The following PTPN14 variants were observed in gnomAD, a reference collection of about 807,000 sequenced individuals.
PTPN14 encodes tyrosine-protein phosphatase non-receptor type 14.
Under a neutral mutation model 126.8 loss-of-function variants are expected in PTPN14, and 53 were observed. That is an observed-to-expected ratio of 0.42 (90% CI 0.34 to 0.53). The LOEUF is 0.53. Ranked by LOEUF, PTPN14 falls within the 20% of genes least tolerant of loss-of-function variation. PTPN14 has a pLI of 0.08. For missense variants in PTPN14, 1,257 were observed against 1,552.9 expected (o/e 0.81, Z 3.20); for synonymous variants, 630 against 599.3 (o/e 1.05, Z -0.75).
At chr1:214,391,999 A>G (rs1246450811) in intron 10 of PTPN14, among the ~76,000 whole-genome samples, 1 of 152,190 alleles carries the variant, frequency 6.6e-6, no homozygotes, top group Non-Finnish European at 1.5e-5. Context: ...GCAGCTCTGC[A>G]GGAGCAGAAA....
intron 11 of PTPN14, among the ~76,000 whole-genome samples, chr1:214,388,828 T>A (rs1460195629): frequency 1.3e-5 from 2 of 152,158 alleles, no homozygotes; most frequent in Non-Finnish European, 2.9e-5. Flanking sequence ...CATCCCTCAA[T>A]GGAAGAAACG....
At chr1:214,452,705 GAAC>G (rs1660298455) in intron 2 of PTPN14, among the ~76,000 whole-genome samples, 1 of 152,090 alleles carries the variant, frequency 6.6e-6, no homozygotes, top group Admixed American at 6.5e-5. Flanking sequence ...GTTTAGTTTT[GAAC>G]AACATGCTAA....
chr1:214,513,796 T>C (rs976455737), intron 1 of PTPN14, among the ~76,000 whole-genome samples: 1 of 152,202 alleles, frequency 6.6e-6, no homozygotes, highest in Non-Finnish European at 1.5e-5. Flanking sequence ...TTTCATAGCG[T>C]TGTCATAAAG....
At chr1:214,387,215 A>G (rs1658640130) in intron 11 of PTPN14, among the ~76,000 whole-genome samples, 1 of 152,248 alleles carries the variant, frequency 6.6e-6, no homozygotes, top group Non-Finnish European at 1.5e-5. Context: ...ATGTTCTAAT[A>G]TATTTGCAAA....
intron 1 of PTPN14, among the ~76,000 whole-genome samples, chr1:214,466,767 C>G (rs1201257423): frequency 2.0e-5 from 3 of 152,056 alleles, no homozygotes; most frequent in Admixed American, 6.6e-5. Flanking sequence ...ATCCATCTGC[C>G]GACACAGGAT....
Position 214,467,957 on chromosome 1 carries a change from G to A in PTPN14, c.-154-3000C>T, listed in dbSNP as rs150523934. On this transcript the variant is annotated intron_variant, in intron 1 of 18. Transcript: ENST00000366956. ...CAAAAATTGGGCATGAGGAGGGGGA[G>A]GCCGTACAGGCTGCTGTAGAATAAA... 2.6e-3 allele frequency among the ~76,000 whole-genome samples: 393 copies of A among 152,186 alleles called. 1 individual carries two copies. Among genetic ancestry groups the A allele is most frequent in the Non-Finnish European group, 4.3e-3 (295 of 68,018 alleles).
chr1:214,500,627 G>T (rs1177945598), intron 1 of PTPN14, among the ~76,000 whole-genome samples: 1 of 152,080 alleles, frequency 6.6e-6, no homozygotes, highest in Non-Finnish European at 1.5e-5. Flanking sequence ...CTGAGGGACA[G>T]ACAGAAACAA....
intron 1 of PTPN14, among the ~76,000 whole-genome samples, chr1:214,499,666 T>C (rs1012544708): frequency 3.9e-5 from 6 of 152,220 alleles, no homozygotes; most frequent in African/African-American, 1.2e-4. Context: ...TATCCATTTA[T>C]GTGAATTCAG....
At chr1:214,423,672 T>C (rs1192048468) in intron 3 of PTPN14, among the ~76,000 whole-genome samples, 1 of 152,210 alleles carries the variant, frequency 6.6e-6, no homozygotes, top group Admixed American at 6.5e-5. Flanking sequence ...TTTTCTCATA[T>C]TCACAGCTTA....
intron 16 of PTPN14, among the ~76,000 whole-genome samples, chr1:214,370,142 C>T (rs1458999397): frequency 2.6e-5 from 4 of 151,978 alleles, no homozygotes; most frequent in Admixed American, 6.6e-5. Flanking sequence ...TAGCCAGGCG[C>T]GGTGGCGGGT....
chr1:214,358,382 T>C (rs1657876178), intron 18 of PTPN14, among the ~76,000 whole-genome samples: 1 of 152,184 alleles, frequency 6.6e-6, no homozygotes, highest in South Asian at 2.1e-4. Context: ...TCCTCCTACC[T>C]GAGTCTCCCA....
intron 11 of PTPN14, among the ~76,000 whole-genome samples, chr1:214,387,141 T>G (rs933712413): frequency 6.6e-6 from 1 of 152,214 alleles, no homozygotes; most frequent in East Asian, 1.9e-4. Context: ...AGAAATGAAG[T>G]TGGTTCAAGA....
intron 4 of PTPN14, among the ~76,000 whole-genome samples, chr1:214,412,349 C>T (rs2102581803): frequency 6.6e-6 from 1 of 152,232 alleles, no homozygotes; most frequent in South Asian, 2.1e-4. Context: ...CTCCTAAAAA[C>T]TAAACTTGAA....
At chr1:214,549,389 C>T (rs1341413242) in intron 1 of PTPN14, among the ~76,000 whole-genome samples, 1 of 152,146 alleles carries the variant, frequency 6.6e-6, no homozygotes, top group African/African-American at 2.4e-5. Flanking sequence ...ACGACTTTAG[C>T]ACAACTGTGC....
intron 1 of PTPN14, among the ~76,000 whole-genome samples, chr1:214,491,825 G>A (rs1466167852): frequency 1.3e-5 from 2 of 152,104 alleles, no homozygotes; most frequent in African/African-American, 4.8e-5. Context: ...GTTCATCTGG[G>A]TCACCTGCCA....
intron 2 of PTPN14, among the ~76,000 whole-genome samples, chr1:214,462,322 C>T (rs1004131414): frequency 4.6e-5 from 7 of 152,144 alleles, no homozygotes; most frequent in African/African-American, 1.4e-4. Flanking sequence ...ACTGAGAAAA[C>T]CAATAGTCTG....
At chr1:214,378,230 T>C (rs1658390430) in intron 13 of PTPN14, 128 bp from the exon 14 acceptor site, 2 of 1,234,970 alleles carry the variant, frequency 1.6e-6, no homozygotes, top group East Asian at 2.5e-5. Context: ...GTAGGGCAAA[T>C]TCAAACACAG....
At chr1:214,494,553 T>C (rs1364204681) in intron 1 of PTPN14, among the ~76,000 whole-genome samples, 1 of 152,240 alleles carries the variant, frequency 6.6e-6, no homozygotes, top group Non-Finnish European at 1.5e-5. Flanking sequence ...TTAGCCAACT[T>C]TAACTTTATG....
rs1238201918 is a variant in PTPN14 at position 214,350,165 on chromosome 1, T to A, written c.*7757A>T. On this transcript the variant is annotated 3_prime_UTR_variant, in exon 19 of 19. Coordinates refer to ENST00000366956, the MANE Select transcript of PTPN14 (RefSeq NM_005401.5). ...TTGGATGACCCGCTAATCTTTCCCC[T>A]TCCTAGGTAAGTGAAAACAGATAAA... The A allele has an allele frequency of 2.0e-5, 3 of 152,224 alleles. No homozygotes were observed. Among genetic ancestry groups the A allele is most frequent in the Admixed American group, 6.5e-5 (1 of 15,282 alleles). 9.4% of individuals were successfully genotyped at this position (152,224 alleles called of 1,614,324 possible). A position where few individuals can be genotyped will look rare whatever the true frequency, so the allele number is the denominator to read the frequency against.
Sources: gnomAD v4.1 joint callset for allele counts (sites outside exome capture counted in the v4.1 genomes callset) on GRCh38, gnomAD v4.1.1 for gene constraint, MANE v1.5 for transcripts, NCBI Gene and HGNC (gene_info 2026-07-23, HGNC 2026-07-21) for gene names.